CFAP100: variants seen among roughly 807,000 people sequenced by gnomAD.
The protein encoded by CFAP100 is cilia and flagella associated protein 100.
A neutral mutation model predicts 81.5 loss-of-function variants in CFAP100; 70 were observed. That is an observed-to-expected ratio of 0.86 (90% CI 0.71 to 1.05). The LOEUF (loss-of-function observed/expected upper bound fraction) is 1.05. Among genes scored for constraint, CFAP100 ranks in the 50% least tolerant of loss-of-function variants. The pLI is 0.00. For missense variants in CFAP100, 811 were observed against 776.5 expected (o/e 1.04, Z -0.53); for synonymous variants, 341 against 314.8 (o/e 1.08, Z -0.88).
At chr3:126,424,654 T>C (rs1380055214) in intron 13 of CFAP100, among the ~76,000 whole-genome samples, 1 of 152,214 alleles carries the variant, frequency 6.6e-6, no homozygotes, top group Non-Finnish European at 1.5e-5. Context: ...TCTGCAAGGA[T>C]AAAGCAAGGC....
chr3:126,406,616 C>T (rs943694120), intron 2 of CFAP100, among the ~76,000 whole-genome samples: 2 of 152,226 alleles, frequency 1.3e-5, no homozygotes, highest in African/African-American at 4.8e-5. Context: ...GGGAGCCCAC[C>T]CCGGGCGGGA....
Position 126,434,391 on chromosome 3 carries a change from A to G in CFAP100, c.1628+10A>G. The G allele has an allele frequency of 1.2e-6, 2 of 1,607,800 alleles. No individual in the cohort carries two copies. The highest frequency in any genetic ancestry group is 1.7e-6 in the Non-Finnish European group (2 of 1,176,228). On this transcript the variant is annotated intron_variant, in intron 15 of 16. Coordinates refer to ENST00000352312, the MANE Select transcript of CFAP100 (RefSeq NM_182628.3). ...AGGAGCGGCGCATCAGGTGAGCTCTAGGCTCTCCCTGCCAGCTGCTGTGTC... is the reference window on the plus strand; with the variant it reads ...AGGAGCGGCGCATCAGGTGAGCTCTGGGCTCTCCCTGCCAGCTGCTGTGTC...
intron 2 of CFAP100, among the ~76,000 whole-genome samples, chr3:126,397,835 GTT>G (rs2082912344): frequency 2.0e-5 from 3 of 152,252 alleles, no homozygotes; most frequent in Non-Finnish European, 4.4e-5. Context: ...GGAGTGAGAG[GTT>G]TGGGGATGCT....
chr3:126,419,614 A>G (rs375354525), intron 8 of CFAP100, 23 bp from the exon 9 acceptor site: 19 of 1,608,010 alleles, frequency 1.2e-5, no homozygotes, highest in East Asian at 4.5e-5. Context: ...TCCTTCCCAC[A>G]TCCTCACCCC....
chr3:126,406,639 G>C (rs2083068215), intron 2 of CFAP100, among the ~76,000 whole-genome samples: 1 of 152,210 alleles, frequency 6.6e-6, no homozygotes, highest in South Asian at 2.1e-4. Context: ...GAGACTTGCT[G>C]GCCTTGGGGA....
intron 13 of CFAP100, among the ~76,000 whole-genome samples, chr3:126,429,090 T>TAA (rs1196149630): frequency 8.0e-6 from 1 of 125,664 alleles, no homozygotes; most frequent in African/African-American, 3.2e-5. Flanking sequence ...GCCTGGGTGA[T>TAA]AGAGTGCGTC....
intron 13 of CFAP100, among the ~76,000 whole-genome samples, chr3:126,425,161 C>T (rs773160513): frequency 5.3e-5 from 8 of 152,200 alleles, no homozygotes; most frequent in Non-Finnish European, 8.8e-5. Flanking sequence ...CAGGTTCCTC[C>T]TCCAACACAT....
chr3:126,415,065 T>C (rs2083212737), intron 4 of CFAP100, among the ~76,000 whole-genome samples: 1 of 152,142 alleles, frequency 6.6e-6, no homozygotes, highest in African/African-American at 2.4e-5. Context: ...AGAGACTCTC[T>C]GACCCACGCC....
intron 3 of CFAP100, among the ~76,000 whole-genome samples, chr3:126,409,214 A>T (rs571233314): frequency 1.2e-3 from 190 of 152,164 alleles, no homozygotes; most frequent in African/African-American, 4.5e-3. Context: ...ATCCCCACCA[A>T]ACCACTGGCT....
rs1161089322 is a variant in CFAP100 at position 126,419,057 on chromosome 3, C to A, written c.651-19C>A. 2 of 1,432,374 alleles carry A rather than the reference C, an allele frequency of 1.4e-6. No homozygotes were observed. The highest frequency in any genetic ancestry group is 1.4e-5 in the African/African-American group (1 of 70,040). 88.7% of individuals were successfully genotyped at this position (1,432,374 alleles called of 1,614,324 possible). On this transcript the variant is annotated intron_variant, in intron 7 of 16. Transcript: ENST00000352312. ...GGCCCCTTGCCCCCATCCCTCCTCC[C>A]CCGCCGCCCAACCCCTAGGGCTGAG...
At chr3:126,407,108 G>A in intron 2 of CFAP100, 64 bp from the exon 3 acceptor site, 1 of 1,135,022 alleles carries the variant, frequency 8.8e-7, no homozygotes, top group Non-Finnish European at 1.3e-6. Context: ...GCCTCAGGCT[G>A]TGTTCACAGT....
At chr3:126,407,463 T>A (rs2083083965) in intron 3 of CFAP100, among the ~76,000 whole-genome samples, 1 of 152,152 alleles carries the variant, frequency 6.6e-6, no homozygotes, top group South Asian at 2.1e-4. Flanking sequence ...TGGGACGAAA[T>A]GCAGACTTTC....
Position 126,433,207 on chromosome 3 carries a change from A to G in CFAP100, c.1422+3A>G. 6.2e-7 allele frequency: 1 copy of G among 1,614,096 alleles called. No homozygotes were observed. Among genetic ancestry groups the G allele is most frequent in the South Asian group, 1.1e-5 (1 of 91,082 alleles). ...GCGAGTACAAGGGCGATCAGCAGGT[A>G]GGCTGGGGATCAAGGTGGCCAGAGG... is the stretch of plus-strand genomic sequence containing the variant. On this transcript the variant is annotated splice_donor_region_variant and intron_variant, in intron 14 of 16. Coordinates refer to ENST00000352312, the MANE Select transcript of CFAP100 (RefSeq NM_182628.3).
intron 2 of CFAP100, among the ~76,000 whole-genome samples, chr3:126,406,599 G>C (rs756206392): frequency 1.3e-5 from 2 of 152,244 alleles, no homozygotes; most frequent in Admixed American, 6.5e-5. Context: ...GAAGAAACAG[G>C]GTGCTGGGGA....
chr3:126,434,145 A>T, intron 14 of CFAP100, 31 bp from the exon 15 acceptor site: 1 of 1,582,426 alleles, frequency 6.3e-7, no homozygotes, highest in Middle Eastern at 1.9e-4. Flanking sequence ...TCCGCCTGCC[A>T]GCACCCTGCT....
chr3:126,418,235 G>A (rs7634065), intron 5 of CFAP100: 23 of 562,986 alleles, frequency 4.1e-5, no homozygotes, highest in Non-Finnish European at 6.4e-5. Flanking sequence ...GACTTCCCAC[G>A]CGGCCGGACT....
At chr3:126,423,720 T>A in intron 13 of CFAP100, 76 bp downstream of exon 13, 1 of 1,568,010 alleles carries the variant, frequency 6.4e-7, no homozygotes, top group Non-Finnish European at 8.7e-7. Flanking sequence ...GGGAGCCAAG[T>A]TGGGGAAACA....
At chr3:126,401,397 T>TTTTTTA (rs869308239) in intron 2 of CFAP100, among the ~76,000 whole-genome samples, 12 of 76,206 alleles carry the variant, frequency 1.6e-4, no homozygotes, top group South Asian at 4.2e-4. Flanking sequence ...AAATCGTATT[T>TTTTTTA]TATATATATA....
rs747604474 is a variant in CFAP100 at position 126,436,316 on chromosome 3, C to T, written c.1748C>T (p.Ser583Leu). Residue 583 changes from serine (S) to leucine (L), a missense_variant, in exon 17 of 17, where the codon TCA becomes TTA. Coordinates refer to ENST00000352312, the MANE Select transcript of CFAP100 (RefSeq NM_182628.3). Reference sequence around the variant, plus strand: ...AGAGGCAGGACACTGGTATGCCGCTCACGACCCCCAGCCCACAGGATCAAA... The same window carrying T: ...AGAGGCAGGACACTGGTATGCCGCTTACGACCCCCAGCCCACAGGATCAAA... ...KKRGRTLVCR[S>L]RPPAHRIKQQ... 4 of 1,613,890 alleles carry T rather than the reference C, an allele frequency of 2.5e-6. No homozygotes were observed. The highest frequency in any genetic ancestry group is 1.3e-5 in the African/African-American group (1 of 74,926).
Sources: allele counts gnomAD v4.1 joint callset (sites outside exome capture counted in the v4.1 genomes callset), GRCh38; gene constraint gnomAD v4.1.1; transcripts MANE v1.5; gene names NCBI Gene and HGNC (gene_info 2026-07-23, HGNC 2026-07-21).